Variants in PRRT3 observed in about 807,000 individuals in gnomAD.
PRRT3 encodes the protein proline-rich transmembrane protein 3.
A neutral mutation model predicts 56.6 loss-of-function variants in PRRT3; 48 were observed. The observed-to-expected ratio is 0.85, with a 90% CI of 0.67 to 1.08. PRRT3 has a LOEUF of 1.08. PRRT3 is among the 50% of genes least tolerant of loss of function. The probability of loss-of-function intolerance (pLI) is 0.00; values close to 1 mark genes in which losing one functional copy is unlikely to be tolerated. For missense variants in PRRT3, 1,370 were observed against 1,353.1 expected, an observed-to-expected ratio of 1.01 and a Z score of -0.20; for synonymous variants, 641 against 619.1, an observed-to-expected ratio of 1.04 and a Z score of -0.52.
In PRRT3 at chr3:9,949,018, A is replaced by G. The variant is rs1283704576; in HGVS notation, c.1015+83T>C. ...CTCATTTGCCACAAAGAGGAAAATGAGACCTAGAGGGACCCAGGGTCAAAC... is the reference window on the plus strand; with the variant it reads ...CTCATTTGCCACAAAGAGGAAAATGGGACCTAGAGGGACCCAGGGTCAAAC... On this transcript the variant is annotated intron_variant, in intron 2 of 3. Coordinates refer to ENST00000412055, the MANE Select transcript of PRRT3 (RefSeq NM_207351.5). This position sits in a 1 kb window ranked among gnomAD's most constrained non-coding sequence, Gnocchi z 4.5. The G allele has an allele frequency of 5.9e-6, 9 of 1,515,158 alleles. No individual in the cohort carries two copies. Among genetic ancestry groups the G allele is most frequent in the Non-Finnish European group, 7.0e-6 (8 of 1,135,928 alleles). 93.9% of individuals were successfully genotyped at this position (1,515,158 alleles called of 1,614,324 possible).
rs1373572220 is a variant in PRRT3 at position 9,945,942 on chromosome 3, TC to T, written c.*284del. 2 of 254,380 alleles carry T rather than the reference TC, an allele frequency of 7.9e-6. No individual in the cohort carries two copies. The highest frequency in any genetic ancestry group is 1.5e-5 in the Non-Finnish European group (2 of 135,000). The allele number at this position is 254,380 out of a possible 1,614,324, so 15.8% of individuals were successfully genotyped here. On this transcript the variant is annotated 3_prime_UTR_variant, in exon 4 of 4. Coordinates refer to ENST00000412055, the MANE Select transcript of PRRT3 (RefSeq NM_207351.5). ...CTCTGCCTCCCTGTTCAAGCAATTC[TC>T]CCGCCTCAGCCTCCCGAGTAGCTGG...
Position 9,949,421 on chromosome 3 carries a change from T to A in PRRT3, c.695A>T (p.His232Leu), listed in dbSNP as rs2085585176. Reference sequence around the variant, plus strand: ...GGGACCTTGAGCTGCCTCCTGCAAGTGTTCCTCAAACCCACCCTGTCCTTC... The same window carrying A: ...GGGACCTTGAGCTGCCTCCTGCAAGAGTTCCTCAAACCCACCCTGTCCTTC... ...VLEGQGGFEEHLQEAAQGPHF... is the reference protein window; with the variant it reads ...VLEGQGGFEELLQEAAQGPHF... Residue 232 changes from histidine (H) to leucine (L), a missense_variant, in exon 2 of 4, where the codon CAC (histidine) becomes CTC (leucine). Physicochemically the swap from His to Leu is moderately conservative, Grantham distance 99 (BLOSUM62 -3). Coordinates refer to ENST00000412055, the MANE Select transcript of PRRT3 (RefSeq NM_207351.5). The surrounding 1 kb of genome is among the most constrained non-coding windows in gnomAD (Gnocchi z 4.5). 1 of 1,613,958 alleles carries A rather than the reference T, an allele frequency of 6.2e-7. No individual in the cohort carries two copies. The highest frequency in any genetic ancestry group is 8.5e-7 in the Non-Finnish European group (1 of 1,180,014).
rs1253757085 is a variant in PRRT3, at chr3:9,946,023, G to A, written c.*204C>T. ...TTTTTGTATTTTTAGTAGAGACGAG[G>A]GTTTCGCTATGTTCGAGACCAGGAG... On this transcript the variant is annotated 3_prime_UTR_variant, in exon 4 of 4. Transcript: ENST00000412055. The surrounding 1 kb of genome is among the most constrained non-coding windows in gnomAD (Gnocchi z 4.1). 1.4e-6 allele frequency: 1 copy of A among 720,010 alleles called. No individual in the cohort carries two copies. The highest frequency in any genetic ancestry group is 2.1e-6 in the Non-Finnish European group (1 of 466,810). The allele number at this position is 720,010 out of a possible 1,614,324, so 44.6% of individuals were successfully genotyped here. A position where few individuals can be genotyped will look rare whatever the true frequency, so the allele number is the denominator to read the frequency against.
In PRRT3 at chr3:9,947,661, C is replaced by G; in HGVS notation, c.1512G>C (p.Leu504Phe). 1 of 1,568,056 alleles carries G rather than the reference C, an allele frequency of 6.4e-7. No homozygotes were observed. Among genetic ancestry groups the G allele is most frequent in the Non-Finnish European group, 8.6e-7 (1 of 1,159,110 alleles). ...AAAPAGPRLA[L>F]VAAVLVLVAS... ...CCACGAGCACCAGCACCGCGGCCACCAATGCCAGCCGGGGCCCTGCTGGGG... is the reference window on the plus strand; with the variant it reads ...CCACGAGCACCAGCACCGCGGCCACGAATGCCAGCCGGGGCCCTGCTGGGG... The change falls in exon 4 of 4, where the codon TTG becomes TTC. Residue 504 changes from leucine to phenylalanine, a missense_variant. Transcript: ENST00000412055. This position sits in a 1 kb window ranked among gnomAD's most constrained non-coding sequence, Gnocchi z 9.2.
chr3:9,950,785 G>A (rs928894230), intron 1 of PRRT3, among the ~76,000 whole-genome samples: 2 of 152,214 alleles, frequency 1.3e-5, no homozygotes, highest in African/African-American at 2.4e-5. Flanking sequence ...TTACAGGCAT[G>A]AGCCACTGCA....
At chr3:9,951,685 G>A (rs564635899) in intron 1 of PRRT3, among the ~76,000 whole-genome samples, 1 of 152,280 alleles carries the variant, frequency 6.6e-6, no homozygotes, top group East Asian at 1.9e-4. Context: ...GTGCTCCTGT[G>A]TTTAGTTCTT....
Position 9,946,508 on chromosome 3 carries a change from C to G in PRRT3, c.2665G>C (p.Val889Leu), listed in dbSNP as rs1431370257. The G allele has an allele frequency of 6.5e-7, 1 of 1,530,556 alleles. No individual in the cohort carries two copies. Among genetic ancestry groups the G allele is most frequent in the East Asian group, 2.5e-5 (1 of 39,674 alleles). The allele number at this position is 1,530,556 out of a possible 1,614,324, so 94.8% of individuals were successfully genotyped here. The change falls in exon 4 of 4, where the codon GTG becomes CTG. Residue 889 changes from valine (V) to leucine (L), a missense_variant. Val to Leu is a conservative substitution (Grantham distance 32). Transcript: ENST00000412055. This position sits in a 1 kb window ranked among gnomAD's most constrained non-coding sequence, Gnocchi z 4.1. ...RVRGPVPQHVVEAPDGAAAAA... is the reference protein window; with the variant it reads ...RVRGPVPQHVLEAPDGAAAAA... The stretch of plus-strand genomic sequence containing the variant: ...GCGGCTGCCCCGTCGGGTGCTTCCA[C>G]TACGTGCTGTGGGACCGGCCCGCGC...
chr3:9,947,589 C>T lies in PRRT3; in HGVS notation c.1584G>A (p.Ser528=). Reference sequence around the variant, plus strand: ...CCCCGCGAACGCCCAGCCGCGCCTGCGAGCCGTAAGGGTCGGTAAGCATGT... The same window carrying T: ...CCCCGCGAACGCCCAGCCGCGCCTGTGAGCCGTAAGGGTCGGTAAGCATGT... The part of the protein sequence containing the change: ...SAYMLTDPYG[S]QARLGVRGGL... Residue 528 remains serine (S), a synonymous_variant, in exon 4 of 4, where the codon TCG becomes TCA. Coordinates refer to ENST00000412055, the MANE Select transcript of PRRT3 (RefSeq NM_207351.5). The surrounding 1 kb of genome is among the most constrained non-coding windows in gnomAD (Gnocchi z 9.2). The T allele has an allele frequency of 1.3e-6, 2 of 1,575,654 alleles. No homozygotes were observed. The highest frequency in any genetic ancestry group is 1.4e-5 in the African/African-American group (1 of 73,784).
At position 9,946,426 on chromosome 3, in the gene PRRT3, C is replaced by T. The variant is rs571133093; in HGVS notation, c.2747G>A (p.Trp916Ter). Reference sequence around the variant, plus strand: ...TGACAGCCCGTGGCGCCAGGGGTTCCAACTGATCTTGAGTGAACCCCTGGA... The same window carrying T: ...TGACAGCCCGTGGCGCCAGGGGTTCTAACTGATCTTGAGTGAACCCCTGGA... Reference protein sequence around the residue: ...SFSRGSLKISWNPWRHGLSSV... With the variant: ...SFSRGSLKIS The change falls in exon 4 of 4, where the codon TGG becomes TAG. Residue 916 changes from tryptophan to a stop codon, truncating the protein, a stop_gained. Transcript: ENST00000412055. LOFTEE classifies it high-confidence loss of function. The surrounding 1 kb of genome is among the most constrained non-coding windows in gnomAD (Gnocchi z 4.1). 1.2e-6 allele frequency: 2 copies of T among 1,602,582 alleles called. No homozygotes were observed. The highest frequency in any genetic ancestry group is 2.3e-5 in the East Asian group (1 of 44,176).
Position 9,947,523 on chromosome 3 carries a change from C to G in PRRT3, c.1650G>C (p.Thr550=), listed in dbSNP as rs773589170. ...CGAGCAGAGTCAGGGCTGCCAGCGC[C>G]GTAAGCAGCAAGGGGAAGGGCAGGT... ...LYNLPFPLLL[T]ALAALTLLGL... Residue 550 remains threonine, a synonymous_variant, in exon 4 of 4, where the codon ACG becomes ACC. Coordinates refer to ENST00000412055, the MANE Select transcript of PRRT3 (RefSeq NM_207351.5). The surrounding 1 kb of genome is among the most constrained non-coding windows in gnomAD (Gnocchi z 9.2). The G allele has an allele frequency of 8.7e-6, 14 of 1,611,582 alleles. No homozygotes were observed. The South Asian group carries it at 1.5e-4, about 18-fold the overall frequency.
chr3:9,947,339 C>T lies in PRRT3; in HGVS notation c.1834G>A (p.Val612Met), dbSNP rs2085543579. The change falls in exon 4 of 4, where the codon GTG becomes ATG. Residue 612 changes from valine (V) to methionine (M), a missense_variant. Physicochemically the swap from Val to Met is conservative, Grantham distance 21 (BLOSUM62 1). Coordinates refer to ENST00000412055, the MANE Select transcript of PRRT3 (RefSeq NM_207351.5). This position sits in a 1 kb window ranked among gnomAD's most constrained non-coding sequence, Gnocchi z 9.2. ...CACAGGCAGAGCGTGCCCAGAGCCACGGCCGCGCCCCAGGCGCACGACAAG... is the reference window on the plus strand; with the variant it reads ...CACAGGCAGAGCGTGCCCAGAGCCATGGCCGCGCCCCAGGCGCACGACAAG... ...QGLSCAWGAAVALGTLCLCRR... is the reference protein window; with the variant it reads ...QGLSCAWGAAMALGTLCLCRR... The T allele has an allele frequency of 6.2e-7, 1 of 1,608,168 alleles. No individual in the cohort carries two copies. The highest frequency in any genetic ancestry group is 8.5e-7 in the Non-Finnish European group (1 of 1,178,510).
rs1436523478 is a variant in PRRT3, at chr3:9,947,923, C to T, written c.1250G>A (p.Arg417Gln). The T allele has an allele frequency of 1.9e-5, 27 of 1,412,586 alleles. No homozygotes were observed. The highest frequency in any genetic ancestry group is 1.9e-4 in the Middle Eastern group (1 of 5,194). The allele number at this position is 1,412,586 out of a possible 1,614,324, so 87.5% of individuals were successfully genotyped here. A position where few individuals can be genotyped will look rare whatever the true frequency, so the allele number is the denominator to read the frequency against. ...CTGCGTGGTGACTCGAATGAGGCCC[C>T]GGCGTGACGTCGAGGGGGCCTGGAC... ...PPVQAPSTSR[R>Q]GLIRVTTQRA... The change falls in exon 4 of 4, where the codon CGG (arginine) becomes CAG (glutamine). Residue 417 changes from arginine (R) to glutamine (Q), a missense_variant. Arg to Gln is a conservative substitution (Grantham distance 43). Coordinates refer to ENST00000412055, the MANE Select transcript of PRRT3 (RefSeq NM_207351.5). This position sits in a 1 kb window ranked among gnomAD's most constrained non-coding sequence, Gnocchi z 9.2.
Position 9,946,005 on chromosome 3 carries a change from ATT to A in PRRT3, c.*220_*221del, listed in dbSNP as rs1666781980. On this transcript the variant is annotated 3_prime_UTR_variant, in exon 4 of 4. Transcript: ENST00000412055. This position sits in a 1 kb window ranked among gnomAD's most constrained non-coding sequence, Gnocchi z 4.1. ...TGTGCCACCTGGCTAATTTTTTTGT[ATT>A]TTTAGTAGAGACGAGGGTTTCGCTA... 4 of 606,124 alleles carry A rather than the reference ATT, an allele frequency of 6.6e-6. No homozygotes were observed. Among genetic ancestry groups the A allele is most frequent in the African/African-American group, 1.9e-5 (1 of 51,392 alleles). The allele number at this position is 606,124 out of a possible 1,614,324, so 37.5% of individuals were successfully genotyped here. A position where few individuals can be genotyped will look rare whatever the true frequency, so the allele number is the denominator to read the frequency against.
chr3:9,947,879 G>A lies in PRRT3; in HGVS notation c.1294C>T (p.Pro432Ser), dbSNP rs2085556559. The change falls in exon 4 of 4, where the codon CCC becomes TCC. Residue 432 changes from proline to serine, a missense_variant. Pro to Ser is a moderately conservative substitution (Grantham distance 74, BLOSUM62 -1). Coordinates refer to ENST00000412055, the MANE Select transcript of PRRT3 (RefSeq NM_207351.5). This position sits in a 1 kb window ranked among gnomAD's most constrained non-coding sequence, Gnocchi z 9.2. The stretch of plus-strand genomic sequence containing the variant: ...GAGCTGGCGGTGGGCTCCGGAGGGG[G>A]AGGCTGGCCCAGGGCTCGCTGCGTG... ...VTTQRALGQP[P>S]PPEPTASSMA... The A allele has an allele frequency of 1.3e-5, 19 of 1,429,382 alleles. No individual in the cohort carries two copies. Among genetic ancestry groups the A allele is most frequent in the Non-Finnish European group, 1.6e-5 (17 of 1,092,356 alleles). The allele number at this position is 1,429,382 out of a possible 1,614,324, so 88.5% of individuals were successfully genotyped here.
chr3:9,949,812 C>G lies in PRRT3; in HGVS notation c.304G>C (p.Ala102Pro). 6.2e-7 allele frequency: 1 copy of G among 1,614,106 alleles called. No homozygotes were observed. Among genetic ancestry groups the G allele is most frequent in the Non-Finnish European group, 8.5e-7 (1 of 1,179,986 alleles). The change falls in exon 2 of 4, where the codon GCA (alanine) becomes CCA (proline). Residue 102 changes from alanine (A) to proline (P), a missense_variant. Coordinates refer to ENST00000412055, the MANE Select transcript of PRRT3 (RefSeq NM_207351.5). The surrounding 1 kb of genome is among the most constrained non-coding windows in gnomAD (Gnocchi z 4.5). Reference sequence around the variant, plus strand: ...AGTCGTTCTCTCTGAGCTCCTTGTGCTGCTTTGGGCCCGTACAGGGCTGGG... The same window carrying G: ...AGTCGTTCTCTCTGAGCTCCTTGTGGTGCTTTGGGCCCGTACAGGGCTGGG... ...LGPALYGPKA[A>P]QGAQRERLPV...
Position 9,946,605 on chromosome 3 carries a change from G to C in PRRT3, c.2568C>G (p.Pro856=). Residue 856 remains proline (P), a synonymous_variant, in exon 4 of 4, where the codon CCC becomes CCG. Coordinates refer to ENST00000412055, the MANE Select transcript of PRRT3 (RefSeq NM_207351.5). The surrounding 1 kb of genome is among the most constrained non-coding windows in gnomAD (Gnocchi z 4.1). ...GALRPRRGSH[P]KAELDDAGSS... is the part of the protein sequence containing the mutation. ...AGCCAGCGTCGTCGAGCTCGGCTTT[G>C]GGATGGCTGCCCCGGCGCGGCCGCA... 7.1e-7 allele frequency: 1 copy of C among 1,400,026 alleles called. No individual in the cohort carries two copies. Among genetic ancestry groups the C allele is most frequent in the Non-Finnish European group, 9.2e-7 (1 of 1,084,784 alleles). The allele number at this position is 1,400,026 out of a possible 1,614,324, so 86.7% of individuals were successfully genotyped here. A position where few individuals can be genotyped will look rare whatever the true frequency, so the allele number is the denominator to read the frequency against.
At chr3:9,950,929 T>TAA (rs2085611848) in intron 1 of PRRT3, among the ~76,000 whole-genome samples, 1 of 152,192 alleles carries the variant, frequency 6.6e-6, no homozygotes, top group Non-Finnish European at 1.5e-5. Context: ...GGGAGTCATT[T>TAA]CACCTCTCTG....
rs899547174 is a variant in PRRT3, at chr3:9,947,513, C to A, written c.1660G>T (p.Ala554Ser). 1 of 1,611,920 alleles carries A rather than the reference C, an allele frequency of 6.2e-7. No homozygotes were observed. Among genetic ancestry groups the A allele is most frequent in the South Asian group, 1.1e-5 (1 of 91,028 alleles). ...GCGCCCAGGCCGAGCAGAGTCAGGGCTGCCAGCGCCGTAAGCAGCAAGGGG... is the reference window on the plus strand; with the variant it reads ...GCGCCCAGGCCGAGCAGAGTCAGGGATGCCAGCGCCGTAAGCAGCAAGGGG... ...PFPLLLTALA[A>S]LTLLGLGAGL... Residue 554 changes from alanine (A) to serine (S), a missense_variant, in exon 4 of 4, where the codon GCC becomes TCC. Ala to Ser is a moderately conservative substitution (Grantham distance 99, BLOSUM62 1). Coordinates refer to ENST00000412055, the MANE Select transcript of PRRT3 (RefSeq NM_207351.5). This position sits in a 1 kb window ranked among gnomAD's most constrained non-coding sequence, Gnocchi z 9.2.
Position 9,946,706 on chromosome 3 carries a change from C to A in PRRT3, c.2467G>T (p.Glu823Ter), listed in dbSNP as rs1184516056. 1 of 1,473,814 alleles carries A rather than the reference C, an allele frequency of 6.8e-7. No individual in the cohort carries two copies. The highest frequency in any genetic ancestry group is 8.9e-7 in the Non-Finnish European group (1 of 1,120,728). 91.3% of individuals were successfully genotyped at this position (1,473,814 alleles called of 1,614,324 possible). ...AACACACTGTCTCGCACTAGGTGCT[C>A]GCGGAAGAGCGCGGCGTCGATGCTG... Reference protein sequence around the residue: ...SRSIDAALFREHLVRDSVFQR... With the variant: ...SRSIDAALFR The change falls in exon 4 of 4, where the codon GAG (glutamate) becomes TAG (stop). Residue 823 changes from glutamate (E) to a stop codon, truncating the protein, a stop_gained. Transcript: ENST00000412055. LOFTEE classifies it low-confidence loss of function (END_TRUNC). The surrounding 1 kb of genome is among the most constrained non-coding windows in gnomAD (Gnocchi z 4.1).
Sources: allele counts gnomAD v4.1 joint callset (sites outside exome capture counted in the v4.1 genomes callset), GRCh38; gene constraint gnomAD v4.1.1; non-coding constraint Gnocchi (gnomAD v3.1); transcripts MANE v1.5; gene names NCBI Gene and HGNC (gene_info 2026-07-23, HGNC 2026-07-21).